Variants in LNPK observed in about 807,000 individuals in gnomAD.
LNPK encodes the protein lunapark, ER junction formation factor.
LNPK carries 29 observed loss-of-function variants against 55.2 expected under a neutral mutation model. The ratio of observed to expected loss-of-function variants is 0.53; its 90% CI spans 0.39 to 0.72. The LOEUF is 0.72. LNPK is among the 30% of genes least tolerant of loss of function. LNPK has a pLI of 0.00. For synonymous variants in LNPK, 162 were observed against 168.2 expected, an observed-to-expected ratio of 0.96 and a Z score of 0.29; for missense variants, 467 against 494.8, an observed-to-expected ratio of 0.94 and a Z score of 0.53.
chr2:175,956,017 G>A (rs1359645705), intron 8 of LNPK, among the ~76,000 whole-genome samples: 1 of 152,090 alleles, frequency 6.6e-6, no homozygotes, highest in Non-Finnish European at 1.5e-5. Flanking sequence ...TGGTGATTAA[G>A]GCCTGTAATT....
At position 175,939,601 on chromosome 2, in the gene LNPK, C is replaced by T. The variant is rs1684714269; in HGVS notation, c.763G>A (p.Ala255Thr). Reference sequence around the variant, plus strand: ...AAATATTCAACAATTCTATCCAAAGCACCTCGTTCTCGGGGGAGAATAGGT... The same window carrying T: ...AAATATTCAACAATTCTATCCAAAGTACCTCGTTCTCGGGGGAGAATAGGT... ...ARPILPRERGALDRIVEYLVG... is the reference protein window; with the variant it reads ...ARPILPRERGTLDRIVEYLVG... Residue 255 changes from alanine to threonine, a missense_variant, in exon 10 of 13, where the codon GCT becomes ACT. Transcript: ENST00000272748. 3.7e-6 allele frequency: 6 copies of T among 1,608,952 alleles called. No homozygotes were observed. The highest frequency in any genetic ancestry group is 5.1e-6 in the Non-Finnish European group (6 of 1,176,304).
chr2:175,995,199 T>C (rs185540849), intron 2 of LNPK, among the ~76,000 whole-genome samples: 152 of 152,164 alleles, frequency 1.0e-3, no homozygotes, highest in African/African-American at 3.3e-3. Context: ...GGATTATAGA[T>C]GTGAGCCACC....
At chr2:175,982,099 T>A (rs987270219) in intron 4 of LNPK, among the ~76,000 whole-genome samples, 2 of 152,100 alleles carry the variant, frequency 1.3e-5, no homozygotes, top group Admixed American at 6.5e-5. Flanking sequence ...TAAGAGAATA[T>A]AGGTTAAGCA....
At chr2:175,941,458 C>T (rs1342580147) in intron 9 of LNPK, among the ~76,000 whole-genome samples, 1 of 151,562 alleles carries the variant, frequency 6.6e-6, no homozygotes, top group Non-Finnish European at 1.5e-5. Flanking sequence ...TATTTTGCTC[C>T]AAGACAGTGC....
At position 175,937,511 on chromosome 2, in the gene LNPK, A is replaced by C. The variant is rs1449045218; in HGVS notation, c.887T>G (p.Phe296Cys). The C allele has an allele frequency of 3.4e-5, 54 of 1,606,350 alleles. No individual in the cohort carries two copies. The highest frequency in any genetic ancestry group is 4.2e-5 in the Non-Finnish European group (50 of 1,177,332). Reference protein sequence around the residue: ...ALKEEFEYIAFRCAYCFFLNP... With the variant: ...ALKEEFEYIACRCAYCFFLNP... Reference sequence around the variant, plus strand: ...CAAGAAAAAACAGTAGGCACATCGAAAAGCTGCAGAGAATTTTTTAAAAAT... The same window carrying C: ...CAAGAAAAAACAGTAGGCACATCGACAAGCTGCAGAGAATTTTTTAAAAAT... Residue 296 changes from phenylalanine to cysteine, a missense_variant, in exon 12 of 13, where the codon TTT becomes TGT. Physicochemically the swap from Phe to Cys is radical, Grantham distance 205 (BLOSUM62 -2). Transcript: ENST00000272748.
At chr2:175,956,304 T>A (rs1446318781) in intron 8 of LNPK, among the ~76,000 whole-genome samples, 2 of 150,152 alleles carry the variant, frequency 1.3e-5, no homozygotes, top group African/African-American at 4.9e-5. Flanking sequence ...AAAGATTTCA[T>A]TTTTAGGGCA....
chr2:175,980,349 C>G (rs1344107784), intron 4 of LNPK, among the ~76,000 whole-genome samples: 3 of 152,182 alleles, frequency 2.0e-5, no homozygotes, highest in Non-Finnish European at 4.4e-5. Context: ...ACAGTCTCTA[C>G]TCTAAGAGAT....
intron 6 of LNPK, among the ~76,000 whole-genome samples, chr2:175,966,017 G>A (rs1441158152): frequency 6.6e-6 from 1 of 152,174 alleles, no homozygotes; most frequent in Non-Finnish European, 1.5e-5. Context: ...TGATAAATGA[G>A]CACTTAAAAT....
At chr2:175,963,983 CAA>C (rs746407888) in intron 8 of LNPK, among the ~76,000 whole-genome samples, 1 of 151,528 alleles carries the variant, frequency 6.6e-6, no homozygotes, top group East Asian at 1.9e-4. Flanking sequence ...TTAGAAAAAA[CAA>C]AATTTCACAG....
intron 1 of LNPK, among the ~76,000 whole-genome samples, chr2:175,996,057 C>T (rs1245144817): frequency 6.6e-6 from 1 of 151,982 alleles, no homozygotes; most frequent in African/African-American, 2.4e-5. Flanking sequence ...AAGTGATCTG[C>T]CCGCCTTGGC....
intron 8 of LNPK, among the ~76,000 whole-genome samples, chr2:175,959,956 A>G (rs1482621894): frequency 6.6e-6 from 1 of 152,176 alleles, no homozygotes; most frequent in Non-Finnish European, 1.5e-5. Flanking sequence ...AGATCAAAAG[A>G]GACAAAGAAG....
intron 10 of LNPK, 44 bp downstream of exon 10, chr2:175,939,508 T>C (rs746380268): frequency 2.3e-5 from 24 of 1,041,804 alleles, no homozygotes; most frequent in Non-Finnish European, 3.4e-5. Context: ...CACACACACA[T>C]CCTGTTTTCA....
chr2:175,933,974 C>T (rs921428100), intron 12 of LNPK, among the ~76,000 whole-genome samples: 5 of 152,110 alleles, frequency 3.3e-5, no homozygotes, highest in East Asian at 1.9e-4. Flanking sequence ...GTGATCCGCC[C>T]GCCTTGGCCT....
chr2:175,944,523 C>A (rs1419070616), intron 9 of LNPK, among the ~76,000 whole-genome samples: 6 of 152,104 alleles, frequency 3.9e-5, no homozygotes, highest in Non-Finnish European at 2.9e-5. Context: ...ACAGAAGGCA[C>A]TGAGAAGACA....
intron 9 of LNPK, among the ~76,000 whole-genome samples, chr2:175,946,181 C>T (rs142987682): frequency 8.0e-4 from 121 of 152,152 alleles, no homozygotes; most frequent in Non-Finnish European, 1.5e-3. Context: ...ATGTGCAATA[C>T]AATTTTTATT....
At chr2:175,970,213 C>T (rs1053985277) in intron 6 of LNPK, among the ~76,000 whole-genome samples, 13 of 152,126 alleles carry the variant, frequency 8.5e-5, no homozygotes, top group Non-Finnish European at 1.8e-4. Context: ...GGTCCTCTTT[C>T]CAACACATCT....
intron 9 of LNPK, among the ~76,000 whole-genome samples, chr2:175,944,597 G>A (rs917414866): frequency 6.6e-6 from 1 of 152,064 alleles, no homozygotes; most frequent in African/African-American, 2.4e-5. Context: ...AACATGATAA[G>A]GTGGGCAGCA....
chr2:175,955,957 C>T (rs113318410), intron 8 of LNPK, among the ~76,000 whole-genome samples: 7 of 152,142 alleles, frequency 4.6e-5, no homozygotes, highest in African/African-American at 1.7e-4. Context: ...TAGGTGGTGT[C>T]CTCCTAGAAA....
chr2:175,934,807 C>T (rs996509006), intron 12 of LNPK, among the ~76,000 whole-genome samples: 28 of 151,394 alleles, frequency 1.8e-4, no homozygotes, highest in Admixed American at 1.6e-3. Context: ...CAATCTATAT[C>T]CATAATTTCT....
Sources: allele counts gnomAD v4.1 joint callset (sites outside exome capture counted in the v4.1 genomes callset), GRCh38; gene constraint gnomAD v4.1.1; transcripts MANE v1.5; gene names NCBI Gene and HGNC (gene_info 2026-07-23, HGNC 2026-07-21).